CENPW: variants seen among roughly 807,000 people sequenced by gnomAD.
CENPW encodes centromere protein W.
Under a neutral mutation model 11.1 loss-of-function variants are expected in CENPW, and 3 were observed. That is an observed-to-expected ratio of 0.27 (90% CI 0.12 to 0.70). CENPW has a LOEUF of 0.70. Ranked by LOEUF, CENPW falls within the 30% of genes least tolerant of loss-of-function variation. The probability of loss-of-function intolerance (pLI) is 0.77; values close to 1 mark genes in which losing one functional copy is unlikely to be tolerated. For missense variants in CENPW, 100 were observed against 105.6 expected, an observed-to-expected ratio of 0.95 and a Z score of 0.23; for synonymous variants, 38 against 42.0, an observed-to-expected ratio of 0.91 and a Z score of 0.37.
the CENPW span, among the ~76,000 whole-genome samples, chr6:126,375,553 T>C: frequency 3.9e-5 from 6 of 152,154 alleles, no homozygotes; most frequent in Non-Finnish European, 8.8e-5. Flanking sequence ...CTCACCCTTT[T>C]GTCTTTCCCG....
At chr6:126,373,309 A>G in the CENPW span, among the ~76,000 whole-genome samples, 4 of 152,234 alleles carry the variant, frequency 2.6e-5, no homozygotes, top group Admixed American at 1.3e-4. Context: ...ATTAAAACAC[A>G]TTCTGTGTCC....
chr6:126,421,105 T>C, the CENPW span, among the ~76,000 whole-genome samples: 2 of 152,126 alleles, frequency 1.3e-5, no homozygotes, highest in African/African-American at 2.4e-5. Flanking sequence ...CATATTCTCT[T>C]AACTTTCTGT....
the CENPW span, among the ~76,000 whole-genome samples, chr6:126,408,207 G>A: frequency 6.6e-6 from 1 of 152,030 alleles, no homozygotes; most frequent in African/African-American, 2.4e-5. Flanking sequence ...TTGGACCCCT[G>A]TATTAATCTG....
chr6:126,478,420 C>T, the CENPW span, among the ~76,000 whole-genome samples: 2 of 151,848 alleles, frequency 1.3e-5, no homozygotes, highest in Admixed American at 1.3e-4. Flanking sequence ...ATCTCTCTCT[C>T]TCTCTCTCTC....
the CENPW span, among the ~76,000 whole-genome samples, chr6:126,480,461 T>C: frequency 6.6e-6 from 1 of 152,004 alleles, no homozygotes; most frequent in South Asian, 2.1e-4. Context: ...CTAGTCTACT[T>C]GGAGATCATT....
the CENPW span, among the ~76,000 whole-genome samples, chr6:126,417,496 T>A: frequency 6.6e-6 from 1 of 152,176 alleles, no homozygotes; most frequent in African/African-American, 2.4e-5. Context: ...CCCACCCAAA[T>A]CTCATCTTAA....
chr6:126,396,221 A>G, the CENPW span, among the ~76,000 whole-genome samples: 2 of 152,050 alleles, frequency 1.3e-5, no homozygotes, highest in Non-Finnish European at 2.9e-5. Context: ...GTTCTAAGCT[A>G]CCATGACTAA....
chr6:126,413,020 C>T, the CENPW span, among the ~76,000 whole-genome samples: 1 of 151,970 alleles, frequency 6.6e-6, no homozygotes, highest in Non-Finnish European at 1.5e-5. Flanking sequence ...TGACATTTTC[C>T]AGAAGCTTTA....
At chr6:126,347,958 C>T (rs1780440027) in intron 2 of CENPW, among the ~76,000 whole-genome samples, 2 of 151,756 alleles carry the variant, frequency 1.3e-5, no homozygotes, top group Admixed American at 1.3e-4. Flanking sequence ...TAGTTTTAGT[C>T]TCAAATGATT....
the CENPW span, among the ~76,000 whole-genome samples, chr6:126,480,805 G>A: frequency 6.6e-6 from 1 of 151,956 alleles, no homozygotes. Flanking sequence ...ATTTCTGAGA[G>A]CAAATATGTT....
chr6:126,443,024 A>C, the CENPW span, among the ~76,000 whole-genome samples: 1 of 151,274 alleles, frequency 6.6e-6, no homozygotes, highest in African/African-American at 2.4e-5. Context: ...TGATTATTTA[A>C]TAGAAAGATG....
At chr6:126,389,158 T>C in the CENPW span, among the ~76,000 whole-genome samples, 2 of 151,944 alleles carry the variant, frequency 1.3e-5, no homozygotes, top group African/African-American at 4.8e-5. Flanking sequence ...CCTATCACTC[T>C]CTAACTGATG....
chr6:126,407,737 A>G, the CENPW span, among the ~76,000 whole-genome samples: 1 of 152,060 alleles, frequency 6.6e-6, no homozygotes, highest in Non-Finnish European at 1.5e-5. Flanking sequence ...TTCTTTTGAG[A>G]AGTGTCTGTT....
At chr6:126,353,225 C>CT (rs11423823), downstream of CENPW, among the ~76,000 whole-genome samples, 75,321 of 144,232 alleles carry the variant, frequency 0.52, 20,879 homozygotes, top group African/African-American at 0.69. Flanking sequence ...CCTATGGGAT[C>CT]TTTTTTTTTT....
At chr6:126,417,780 C>T in the CENPW span, among the ~76,000 whole-genome samples, 2 of 152,070 alleles carry the variant, frequency 1.3e-5, no homozygotes, top group African/African-American at 4.8e-5. Context: ...TGAAAATGGA[C>T]TAATACATTT....
chr6:126,391,239 T>C, the CENPW span, among the ~76,000 whole-genome samples: 1 of 152,068 alleles, frequency 6.6e-6, no homozygotes, highest in African/African-American at 2.4e-5. Context: ...TTGAGCACCT[T>C]TTCATATACC....
At chr6:126,466,189 A>T in the CENPW span, among the ~76,000 whole-genome samples, 14 of 152,186 alleles carry the variant, frequency 9.2e-5, no homozygotes, top group African/African-American at 3.4e-4. Context: ...ATAATTTTGG[A>T]TCAAGGGAAT....
At chr6:126,410,572 T>G in the CENPW span, among the ~76,000 whole-genome samples, 1 of 151,914 alleles carries the variant, frequency 6.6e-6, no homozygotes, top group Non-Finnish European at 1.5e-5. Flanking sequence ...CAGCAATTAT[T>G]TTACAATATA....
chr6:126,346,223 C>G lies in CENPW; in HGVS notation c.145C>G (p.Leu49Val). The G allele has an allele frequency of 6.2e-7, 1 of 1,600,846 alleles. No individual in the cohort carries two copies. Among genetic ancestry groups the G allele is most frequent in the Non-Finnish European group, 8.5e-7 (1 of 1,170,542 alleles). Reference protein sequence around the residue: ...GDLLVHLNCLLFVHRLAEESR... With the variant: ...GDLLVHLNCLVFVHRLAEESR... ...TTTAAAGGTCCATCTGAACTGTTTA[C>G]TGTTTGTTCATCGATTAGCAGAAGA... Residue 49 changes from leucine to valine, a missense_variant, in exon 2 of 3, where the codon CTG becomes GTG. By Grantham distance (32) the Leu-to-Val change is conservative. Coordinates refer to ENST00000368328, the MANE Select transcript of CENPW (RefSeq NM_001012507.4).
Sources: gnomAD v4.1 joint callset for allele counts (sites outside exome capture counted in the v4.1 genomes callset) on GRCh38, gnomAD v4.1.1 for gene constraint, MANE v1.5 for transcripts, NCBI Gene and HGNC (gene_info 2026-07-23, HGNC 2026-07-21) for gene names.